Variants in MS4A7 observed in about 807,000 individuals in gnomAD.
MS4A7 encodes membrane-spanning 4-domains subfamily A member 7.
MS4A7 carries 21 observed loss-of-function variants against 23.5 expected under a neutral mutation model. The observed-to-expected ratio is 0.89, with a 90% CI of 0.63 to 1.29. MS4A7 has a LOEUF of 1.29. MS4A7 is among the 50% of genes most tolerant of loss of function. The pLI is 0.00. For synonymous variants in MS4A7, 111 were observed against 107.4 expected (o/e 1.03, Z -0.21); for missense variants, 263 against 274.2 (o/e 0.96, Z 0.29).
intron 4 of MS4A7, among the ~76,000 whole-genome samples, chr11:60,388,100 G>A (rs2085511017): frequency 6.6e-6 from 1 of 152,202 alleles, no homozygotes; most frequent in Admixed American, 6.5e-5. Context: ...TTCATGTGCT[G>A]AGTCTTTGAA....
Position 60,390,608 on chromosome 11 carries a change from GTAGA to G in MS4A7, c.546+1016_546+1019del, listed in dbSNP as rs762492081. Among the ~76,000 whole-genome samples, 5 of 152,270 alleles carry G rather than the reference GTAGA, an allele frequency of 3.3e-5. No homozygotes were observed. The East Asian group carries it at 5.8e-4, about 18-fold the overall frequency. On this transcript the variant is annotated intron_variant, in intron 5 of 6. Transcript: ENST00000300184. ...CAGAGACCTGTCTGGAGGAAACCCA[GTAGA>G]TAGTGTCATCCTGGTGTAGGACAGA...
In MS4A7 at chr11:60,384,987, T is replaced by G. The variant is rs189793329; in HGVS notation, c.148-101T>G. 74 of 1,104,774 alleles carry G rather than the reference T, an allele frequency of 6.7e-5. 2 individuals are homozygous for G. In the Admixed American group the frequency reaches 1.1e-3, roughly 16 times the overall value. 68.4% of individuals were successfully genotyped at this position (1,104,774 alleles called of 1,614,324 possible). A position where few individuals can be genotyped will look rare whatever the true frequency, so the allele number is the denominator to read the frequency against. On this transcript the variant is annotated intron_variant, in intron 2 of 6. Transcript: ENST00000300184. ...ATTTTTCCTCTTTAATATAACAAATTATAATGTATTTTATACTCTTTATAC... is the reference window on the plus strand; with the variant it reads ...ATTTTTCCTCTTTAATATAACAAATGATAATGTATTTTATACTCTTTATAC...
At chr11:60,381,681 T>C (rs2135092094) in intron 1 of MS4A7, among the ~76,000 whole-genome samples, 1 of 152,362 alleles carries the variant, frequency 6.6e-6, no homozygotes, top group East Asian at 1.9e-4. Context: ...CTGATATGTT[T>C]TGGGAGTTTA....
chr11:60,380,190 C>G (rs985025192), intron 1 of MS4A7, among the ~76,000 whole-genome samples: 8 of 152,060 alleles, frequency 5.3e-5, no homozygotes, highest in African/African-American at 9.7e-5. Context: ...ATTCATCGGT[C>G]AAAGATGTCT....
intron 1 of MS4A7, among the ~76,000 whole-genome samples, chr11:60,379,159 A>G (rs1169070809): frequency 6.6e-6 from 1 of 152,228 alleles, no homozygotes; most frequent in Non-Finnish European, 1.5e-5. Flanking sequence ...GTGTTTGGAG[A>G]TGATAGCATC....
At chr11:60,380,801 G>T (rs1439280154) in intron 1 of MS4A7, among the ~76,000 whole-genome samples, 1 of 152,220 alleles carries the variant, frequency 6.6e-6, no homozygotes, top group Non-Finnish European at 1.5e-5. Flanking sequence ...AGAGGATATG[G>T]AACTGATGAG....
At position 60,389,437 on chromosome 11, in the gene MS4A7, A is replaced by T. The variant is rs752860489; in HGVS notation, c.387A>T (p.Gly129=). 4 of 1,613,874 alleles carry T rather than the reference A, an allele frequency of 2.5e-6. No homozygotes were observed. In the Admixed American group the frequency reaches 6.7e-5, roughly 27 times the overall value. ...TSNAVSSVTA[G]AGLFLLADSM... is the part of the protein sequence containing the mutation. ...ATGCAGTGAGTTCTGTTACTGCAGG[A>T]GCAGGCCTCTTCCTCCTTGCTGACA... is the stretch of plus-strand genomic sequence containing the variant. Residue 129 remains glycine, a synonymous_variant, in exon 5 of 7, where the codon GGA becomes GGT. Coordinates refer to ENST00000300184, the MANE Select transcript of MS4A7 (RefSeq NM_021201.5).
chr11:60,384,854 T>C (rs2085467352), intron 2 of MS4A7, among the ~76,000 whole-genome samples: 1 of 152,214 alleles, frequency 6.6e-6, no homozygotes, highest in East Asian at 1.9e-4. Flanking sequence ...AAAGTTAAAA[T>C]GTGTGTATGA....
chr11:60,385,342 T>C (rs2085474815), intron 3 of MS4A7, 120 bp downstream of exon 3: 8 of 1,074,380 alleles, frequency 7.4e-6, no homozygotes, highest in Non-Finnish European at 9.6e-6. Flanking sequence ...GCCTCGACTT[T>C]CCTTCTATCA....
chr11:60,394,072 T>G lies in MS4A7; in HGVS notation c.*211T>G. ...CAAGTCAATAAATGTTATCAGCCAGTCTTCCAAAATGGTCATAAACTTTAT... is the reference window on the plus strand; with the variant it reads ...CAAGTCAATAAATGTTATCAGCCAGGCTTCCAAAATGGTCATAAACTTTAT... On this transcript the variant is annotated 3_prime_UTR_variant, in exon 7 of 7. Transcript: ENST00000300184. The G allele has an allele frequency of 7.6e-6, 3 of 395,742 alleles. No homozygotes were observed. Among genetic ancestry groups the G allele is most frequent in the Non-Finnish European group, 8.9e-6 (2 of 225,004 alleles). The allele number at this position is 395,742 out of a possible 1,614,324, so 24.5% of individuals were successfully genotyped here. A position where few individuals can be genotyped will look rare whatever the true frequency, so the allele number is the denominator to read the frequency against.
At position 60,393,817 on chromosome 11, in the gene MS4A7, C is replaced by A. The variant is rs2085580585; in HGVS notation, c.679C>A (p.His227Asn). 2.5e-6 allele frequency: 4 copies of A among 1,611,998 alleles called. No individual in the cohort carries two copies. The African/African-American group carries it at 4.0e-5, about 16-fold the overall frequency. ...SSFSSTQSQD[H>N]IQQVKKSSSR... is the part of the protein sequence containing the mutation. ...ATTTTCCTCGACCCAGTCACAAGAT[C>A]ATATCCAACAGGTCAAAAAGAGTTC... Residue 227 changes from histidine (H) to asparagine (N), a missense_variant, in exon 7 of 7, where the codon CAT becomes AAT. Physicochemically the swap from His to Asn is moderately conservative, Grantham distance 68. Coordinates refer to ENST00000300184, the MANE Select transcript of MS4A7 (RefSeq NM_021201.5).
intron 5 of MS4A7, among the ~76,000 whole-genome samples, chr11:60,392,410 T>C (rs1300602410): frequency 1.3e-5 from 2 of 151,796 alleles, no homozygotes; most frequent in African/African-American, 4.8e-5. Context: ...AAAAACACCA[T>C]AGTCAAAAAG....
At chr11:60,389,959 A>AATT (rs1252605852) in intron 5 of MS4A7, 2 of 242,548 alleles carry the variant, frequency 8.2e-6, no homozygotes, top group African/African-American at 4.5e-5. Context: ...TCTTCATTTG[A>AATT]ATTATATTTT....
chr11:60,381,951 C>A (rs1590790066), intron 1 of MS4A7, among the ~76,000 whole-genome samples: 1 of 152,202 alleles, frequency 6.6e-6, no homozygotes, highest in East Asian at 1.9e-4. Context: ...CCAATTTTTA[C>A]ATGTTCTTCA....
Position 60,394,898 on chromosome 11 carries a change from A to C in MS4A7, c.*1037A>C, listed in dbSNP as rs2085597063. 1.8e-6 allele frequency: 1 copy of C among 553,386 alleles called. No homozygotes were observed. Among genetic ancestry groups the C allele is most frequent in the Non-Finnish European group, 3.2e-6 (1 of 310,564 alleles). 34.3% of individuals were successfully genotyped at this position (553,386 alleles called of 1,614,324 possible). ...AAATGAATAAAATAAAATAAAAAAG[A>C]ATATTCAGTCGTTGGCACATAAACT... is the stretch of plus-strand genomic sequence containing the variant. On this transcript the variant is annotated 3_prime_UTR_variant, in exon 7 of 7. Coordinates refer to ENST00000300184, the MANE Select transcript of MS4A7 (RefSeq NM_021201.5).
chr11:60,389,377 G>C lies in MS4A7; in HGVS notation c.340-13G>C, dbSNP rs2085525140. 5 of 1,598,920 alleles carry C rather than the reference G, an allele frequency of 3.1e-6. No homozygotes were observed. The East Asian group carries it at 1.1e-4, about 36-fold the overall frequency. ...TTCTGTGATGAGAACCCAATGCAGA[G>C]TTTCTCTTCCAGGACCTGAGCAGCT... On this transcript the variant is annotated splice_polypyrimidine_tract_variant and intron_variant, in intron 4 of 6. Coordinates refer to ENST00000300184, the MANE Select transcript of MS4A7 (RefSeq NM_021201.5).
At chr11:60,380,863 C>G (rs1478370741) in intron 1 of MS4A7, among the ~76,000 whole-genome samples, 1 of 152,178 alleles carries the variant, frequency 6.6e-6, no homozygotes, top group African/African-American at 2.4e-5. Flanking sequence ...GGATGAGAAT[C>G]AGTTGTAGCT....
intron 3 of MS4A7, among the ~76,000 whole-genome samples, chr11:60,386,334 G>A (rs1442939236): frequency 1.3e-5 from 2 of 152,132 alleles, no homozygotes; most frequent in African/African-American, 4.8e-5. Flanking sequence ...CCTCTTTCCT[G>A]AGTGCTTCTG....
rs1257337616 is a variant in MS4A7, at chr11:60,394,963, A to G, written c.*1102A>G. The G allele has an allele frequency of 3.0e-6, 2 of 667,016 alleles. No homozygotes were observed. The highest frequency in any genetic ancestry group is 2.7e-5 in the East Asian group (1 of 36,836). The allele number at this position is 667,016 out of a possible 1,614,324, so 41.3% of individuals were successfully genotyped here. A position where few individuals can be genotyped will look rare whatever the true frequency, so the allele number is the denominator to read the frequency against. On this transcript the variant is annotated 3_prime_UTR_variant, in exon 7 of 7. Coordinates refer to ENST00000300184, the MANE Select transcript of MS4A7 (RefSeq NM_021201.5). The stretch of plus-strand genomic sequence containing the variant: ...CATTTCAGGGTAGGAGTCAATGAAG[A>G]CATCTTAGTCTTAACAAGTTACAGA...
Sources: allele counts gnomAD v4.1 joint callset (sites outside exome capture counted in the v4.1 genomes callset), GRCh38; gene constraint gnomAD v4.1.1; transcripts MANE v1.5; gene names NCBI Gene and HGNC (gene_info 2026-07-23, HGNC 2026-07-21).